Variants in PTPRN2 observed in about 807,000 individuals in gnomAD.
The protein encoded by PTPRN2 is protein tyrosine phosphatase receptor type N2.
A neutral mutation model predicts 118.8 loss-of-function variants in PTPRN2; 74 were observed. The observed-to-expected ratio is 0.62, with a 90% CI of 0.52 to 0.76. PTPRN2 has a LOEUF of 0.76. Among genes scored for constraint, PTPRN2 ranks in the 30% least tolerant of loss-of-function variants. The pLI, the probability that PTPRN2 is intolerant of heterozygous loss-of-function variation, is 0.00. For synonymous variants in PTPRN2, 641 were observed against 608.0 expected, an observed-to-expected ratio of 1.05 and a Z score of -0.80; for missense variants, 1,481 against 1,394.4, an observed-to-expected ratio of 1.06 and a Z score of -0.99.
intron 12 of PTPRN2, among the ~76,000 whole-genome samples, chr7:157,841,380 G>A (rs2151184080): frequency 6.6e-6 from 1 of 152,306 alleles, no homozygotes; most frequent in South Asian, 2.1e-4. Flanking sequence ...CTAACAGGTC[G>A]GCCTTCCTTT....
chr7:158,514,558 C>T (rs912256205), intron 1 of PTPRN2, among the ~76,000 whole-genome samples: 5 of 152,146 alleles, frequency 3.3e-5, no homozygotes, highest in Non-Finnish European at 7.4e-5. Flanking sequence ...CAGGTGATGG[C>T]GATGCCTCCC....
At chr7:158,328,057 A>C (rs1159886794) in intron 2 of PTPRN2, among the ~76,000 whole-genome samples, 1 of 152,230 alleles carries the variant, frequency 6.6e-6, no homozygotes, top group African/African-American at 2.4e-5. Context: ...CCTTTATCTG[A>C]ACTGATCAAG....
At chr7:158,048,757 A>G (rs534880556) in intron 11 of PTPRN2, among the ~76,000 whole-genome samples, 41 of 138,386 alleles carry the variant, frequency 3.0e-4, no homozygotes, top group African/African-American at 1.1e-3. Flanking sequence ...CACCAACACC[A>G]TCATCACCCT....
At chr7:158,528,408 T>C (rs1033178483) in intron 1 of PTPRN2, among the ~76,000 whole-genome samples, 2 of 152,110 alleles carry the variant, frequency 1.3e-5, no homozygotes, top group African/African-American at 2.4e-5. Flanking sequence ...GAAATGCACA[T>C]TTACAAAGCG....
At chr7:157,776,498 C>CTCT (rs1803275677) in intron 12 of PTPRN2, among the ~76,000 whole-genome samples, 1 of 125,152 alleles carries the variant, frequency 8.0e-6, no homozygotes, top group African/African-American at 3.1e-5. Flanking sequence ...TCTCCTTCTC[C>CTCT]CTCTCCTCCT....
intron 3 of PTPRN2, among the ~76,000 whole-genome samples, chr7:158,301,986 C>T (rs1800927050): frequency 6.6e-6 from 1 of 152,126 alleles, no homozygotes; most frequent in Admixed American, 6.5e-5. Context: ...GATGGTATGA[C>T]CTCCTCCAAT....
intron 3 of PTPRN2, among the ~76,000 whole-genome samples, chr7:158,300,554 A>ACAGTGCCTCGCCCGCCACCCAGTCCCG (rs1800813723): frequency 2.0e-5 from 3 of 146,630 alleles, no homozygotes; most frequent in Non-Finnish European, 4.5e-5. Flanking sequence ...CTGCACGCCC[A>ACAGTGCCTCGCCCGCCACCCAGTCCCG]CAGCGCCTCG....
intron 1 of PTPRN2, among the ~76,000 whole-genome samples, chr7:158,560,072 G>A (rs978980618): frequency 1.3e-5 from 2 of 152,134 alleles, no homozygotes; most frequent in African/African-American, 4.8e-5. Flanking sequence ...TAACCACCTC[G>A]TATCAAACAG....
chr7:158,222,559 G>A (rs769090880), intron 3 of PTPRN2, among the ~76,000 whole-genome samples: 1 of 152,046 alleles, frequency 6.6e-6, no homozygotes, highest in African/African-American at 2.4e-5. Context: ...GATGACAGAC[G>A]CCGAGGACTA....
chr7:157,948,532 A>T (rs925415000), intron 11 of PTPRN2, among the ~76,000 whole-genome samples: 1 of 152,226 alleles, frequency 6.6e-6, no homozygotes, highest in African/African-American at 2.4e-5. Flanking sequence ...ATATTTGAGG[A>T]ACTGAGGAGG....
chr7:157,819,473 C>A (rs895595557), intron 12 of PTPRN2, among the ~76,000 whole-genome samples: 7 of 152,116 alleles, frequency 4.6e-5, no homozygotes, highest in African/African-American at 7.2e-5. Flanking sequence ...AGGCTCACAG[C>A]GCCTGAGCAC....
At chr7:158,016,528 G>C (rs1215924524) in intron 11 of PTPRN2, among the ~76,000 whole-genome samples, 1 of 152,218 alleles carries the variant, frequency 6.6e-6, no homozygotes, top group Non-Finnish European at 1.5e-5. Context: ...ACACCCATCA[G>C]ATTAGCAGAC....
chr7:158,264,165 G>A (rs1797725633), intron 3 of PTPRN2, among the ~76,000 whole-genome samples: 1 of 152,160 alleles, frequency 6.6e-6, no homozygotes, highest in Non-Finnish European at 1.5e-5. Flanking sequence ...ACGAACAGCC[G>A]CAGCAGCGCG....
rs1302029068 is a variant in PTPRN2, at chr7:157,813,086, A to G, written c.1788+85587T>C. Among the ~76,000 whole-genome samples, 2 of 152,146 alleles carry G rather than the reference A, an allele frequency of 1.3e-5. No individual in the cohort carries two copies. The highest frequency in any genetic ancestry group is 1.5e-5 in the Non-Finnish European group (1 of 68,022). On this transcript the variant is annotated intron_variant, in intron 12 of 22. Transcript: ENST00000389418. The surrounding 1 kb of genome is among the most constrained non-coding windows in gnomAD (Gnocchi z 4.7). ...CAAATGACTGTGACACGTGCCGTGT[A>G]TCTGCAAAGACCTGTGCCGTGCTAA...
At position 158,546,011 on chromosome 7, in the gene PTPRN2, C is replaced by G. The variant is rs1213117192; in HGVS notation, c.112+41547G>C. On this transcript the variant is annotated intron_variant, in intron 1 of 22. Coordinates refer to ENST00000389418, the MANE Select transcript of PTPRN2 (RefSeq NM_002847.5). The surrounding 1 kb of genome is among the most constrained non-coding windows in gnomAD (Gnocchi z 5.0). ...AAAAAGAAAGAAAGAAAGAAAAATTCAAATCTTAATTACAGGACTTTCAAA... is the reference window on the plus strand; with the variant it reads ...AAAAAGAAAGAAAGAAAGAAAAATTGAAATCTTAATTACAGGACTTTCAAA... Among the ~76,000 whole-genome samples, 3 of 152,072 alleles carry G rather than the reference C, an allele frequency of 2.0e-5. No homozygotes were observed. Among genetic ancestry groups the G allele is most frequent in the Admixed American group, 6.5e-5 (1 of 15,272 alleles).
chr7:158,092,165 A>T (rs61534314), intron 10 of PTPRN2, among the ~76,000 whole-genome samples: 122,466 of 150,834 alleles, frequency 0.81, 50,353 homozygotes, highest in Middle Eastern at 0.93. Context: ...GGTGAATGGG[A>T]GGGCAGAGAT....
chr7:158,432,240 CA>C lies in PTPRN2; in HGVS notation c.163+57494del, dbSNP rs534343793. 2.1e-4 allele frequency among the ~76,000 whole-genome samples: 32 copies of C among 152,350 alleles called. No homozygotes were observed. In the South Asian group the frequency reaches 6.0e-3, roughly 29 times the overall value. On this transcript the variant is annotated intron_variant, in intron 2 of 22. Coordinates refer to ENST00000389418, the MANE Select transcript of PTPRN2 (RefSeq NM_002847.5). ...CCCAGATCCTCAGGGGAACCACACA[CA>C]GTGACTCATGAGGAGCGGCGGGGCC... is the stretch of plus-strand genomic sequence containing the variant.
At chr7:157,576,511 C>G (rs1800048566) in intron 19 of PTPRN2, 102 bp downstream of exon 19, 3 of 1,249,118 alleles carry the variant, frequency 2.4e-6, no homozygotes, top group Non-Finnish European at 2.1e-6. Flanking sequence ...CCGACACAGA[C>G]GCGGCCCTCG....
chr7:158,455,105 ACAC>A (rs1818369657), intron 2 of PTPRN2, among the ~76,000 whole-genome samples: 1 of 152,198 alleles, frequency 6.6e-6, no homozygotes, highest in Non-Finnish European at 1.5e-5. Context: ...ATGAACAGAA[ACAC>A]CACACCTCCA....
Sources: allele counts gnomAD v4.1 joint callset (sites outside exome capture counted in the v4.1 genomes callset), GRCh38; gene constraint gnomAD v4.1.1; non-coding constraint Gnocchi (gnomAD v3.1); transcripts MANE v1.5; gene names NCBI Gene and HGNC (gene_info 2026-07-23, HGNC 2026-07-21).